The following LRRC69 variants were observed in gnomAD, a reference collection of about 807,000 sequenced individuals.
LRRC69 encodes leucine rich repeat containing 69.
Under a neutral mutation model 37.8 loss-of-function variants are expected in LRRC69, and 42 were observed. The observed-to-expected ratio is 1.11, with a 90% CI of 0.87 to 1.44. The LOEUF is 1.44. Ranked by LOEUF, LRRC69 falls within the 40% of genes most tolerant of loss-of-function variation. LRRC69 has a pLI of 0.00. For missense variants in LRRC69, 357 were observed against 401.9 expected, an observed-to-expected ratio of 0.89 and a Z score of 0.96; for synonymous variants, 141 against 143.1, an observed-to-expected ratio of 0.99 and a Z score of 0.11.
chr8:91,103,291 A>G (rs1258919134), intron 1 of LRRC69, among the ~76,000 whole-genome samples: 2 of 150,850 alleles, frequency 1.3e-5, no homozygotes, highest in African/African-American at 2.4e-5. Context: ...TTCCTTTTCA[A>G]TTTCCTAGGG....
In LRRC69 at chr8:91,127,829, A is replaced by G. The variant is rs6984576; in HGVS notation, c.383+669A>G. ...AACAGATGTGTCACAGAGCAAGAGC[A>G]GCATCCAGGGTTTTAAAAGAGAATA... On this transcript the variant is annotated intron_variant, in intron 3 of 7. Transcript: ENST00000448384. Among the ~76,000 whole-genome samples, 191 of 152,106 alleles carry G rather than the reference A, an allele frequency of 1.3e-3. 2 individuals are homozygous for G. Among genetic ancestry groups the G allele is most frequent in the African/African-American group, 4.4e-3 (184 of 41,570 alleles).
chr8:91,156,346 T>C (rs112688564), intron 5 of LRRC69, among the ~76,000 whole-genome samples: 1 of 151,100 alleles, frequency 6.6e-6, no homozygotes, highest in Non-Finnish European at 1.5e-5. Context: ...GTTTTTCAGA[T>C]ACTTGTTGGC....
At chr8:91,157,664 G>T in intron 5 of LRRC69, 2 of 1,585,332 alleles carry the variant, frequency 1.3e-6, no homozygotes, top group Middle Eastern at 1.7e-4. Context: ...AATGTTGAAT[G>T]CCTTACAGCT....
chr8:91,187,046 G>A (rs1809419315), intron 5 of LRRC69, among the ~76,000 whole-genome samples: 1 of 152,178 alleles, frequency 6.6e-6, no homozygotes, highest in Admixed American at 6.5e-5. Flanking sequence ...GAAGGCAGTT[G>A]ACACAGACAT....
intron 7 of LRRC69, among the ~76,000 whole-genome samples, chr8:91,202,952 G>A (rs961469406): frequency 6.6e-6 from 1 of 152,186 alleles, no homozygotes; most frequent in Non-Finnish European, 1.5e-5. Context: ...GCATCTTGGA[G>A]AAAGAAGTGA....
At chr8:91,102,802 C>G (rs1403783856) in exon 1 of LRRC69, 1 of 1,551,632 alleles carries the variant, frequency 6.4e-7, no homozygotes, top group African/African-American at 1.4e-5. Flanking sequence ...TTCAGAATAA[C>G]CTAATCCCCA....
At chr8:91,116,835 T>G (rs927143030) in intron 1 of LRRC69, among the ~76,000 whole-genome samples, 17 of 152,058 alleles carry the variant, frequency 1.1e-4, no homozygotes, top group Non-Finnish European at 7.3e-5. Context: ...GTATTGTCAT[T>G]AATAATCTGT....
At chr8:91,204,620 A>G (rs1490533691) in intron 7 of LRRC69, among the ~76,000 whole-genome samples, 1 of 152,260 alleles carries the variant, frequency 6.6e-6, no homozygotes, top group Non-Finnish European at 1.5e-5. Flanking sequence ...AAGGATCTCC[A>G]GAGCCTGGAT....
intron 5 of LRRC69, among the ~76,000 whole-genome samples, chr8:91,151,916 CAT>C (rs913408617): frequency 5.3e-5 from 8 of 150,138 alleles, no homozygotes; most frequent in African/African-American, 2.0e-4. Context: ...CTTTTTTTTT[CAT>C]ATGTTTCTTG....
At chr8:91,161,245 T>C (rs1261434216) in intron 5 of LRRC69, among the ~76,000 whole-genome samples, 1 of 151,380 alleles carries the variant, frequency 6.6e-6, no homozygotes, top group Non-Finnish European at 1.5e-5. Flanking sequence ...GGTTATTCAT[T>C]TGTAGTTTTT....
intron 7 of LRRC69, among the ~76,000 whole-genome samples, chr8:91,212,899 G>A (rs999384597): frequency 6.6e-6 from 1 of 152,094 alleles, no homozygotes; most frequent in African/African-American, 2.4e-5. Context: ...GTATAAACAT[G>A]AGCTCATACA....
At chr8:91,147,229 CTATATTATATATAAACATATAATA>C (rs1220342030) in intron 5 of LRRC69, among the ~76,000 whole-genome samples, 2 of 143,218 alleles carry the variant, frequency 1.4e-5, no homozygotes, top group African/African-American at 5.2e-5. Flanking sequence ...ATGAATATAG[CTATATTATATATAAACATATAATA>C]TATATTATAT....
chr8:91,160,477 C>T (rs1272642157), intron 5 of LRRC69, among the ~76,000 whole-genome samples: 1 of 151,068 alleles, frequency 6.6e-6, no homozygotes, highest in Non-Finnish European at 1.5e-5. Flanking sequence ...GAATTGTAAT[C>T]TCCAATGTTG....
chr8:91,131,081 T>G lies in LRRC69; in HGVS notation c.384-2029T>G, dbSNP rs1030030380. Reference sequence around the variant, plus strand: ...ATATTCAGACCATAGCACTGTCATTTCTCCAATACCATATGATCTTGATTA... The same window carrying G: ...ATATTCAGACCATAGCACTGTCATTGCTCCAATACCATATGATCTTGATTA... On this transcript the variant is annotated intron_variant, in intron 3 of 7. Coordinates refer to ENST00000448384, the Ensembl canonical transcript of LRRC69. Among the ~76,000 whole-genome samples the G allele has an allele frequency of 4.9e-4, 75 of 152,022 alleles. 1 individual carries two copies. Among genetic ancestry groups the G allele is most frequent in the African/African-American group, 1.3e-3 (55 of 41,440 alleles).
chr8:91,131,092 A>G (rs1336353075), intron 3 of LRRC69, among the ~76,000 whole-genome samples: 1 of 152,038 alleles, frequency 6.6e-6, no homozygotes, highest in African/African-American at 2.4e-5. Flanking sequence ...CTCCAATACC[A>G]TATGATCTTG....
intron 1 of LRRC69, among the ~76,000 whole-genome samples, chr8:91,121,586 A>C (rs1813622962): frequency 6.6e-6 from 1 of 152,032 alleles, no homozygotes; most frequent in Admixed American, 6.6e-5. Flanking sequence ...CTTCTAAGAC[A>C]GGTTCTCCTG....
At chr8:91,131,356 G>A (rs1462642952) in intron 3 of LRRC69, among the ~76,000 whole-genome samples, 3 of 150,958 alleles carry the variant, frequency 2.0e-5, no homozygotes, top group Non-Finnish European at 1.5e-5. Flanking sequence ...TTACAGCCAT[G>A]AGCCACAGCA....
chr8:91,203,713 CA>C (rs1809750203), intron 7 of LRRC69, among the ~76,000 whole-genome samples: 1 of 151,814 alleles, frequency 6.6e-6, no homozygotes, highest in South Asian at 2.1e-4. Context: ...TGTATCTTAT[CA>C]CTAGCCACTC....
At chr8:91,106,848 A>G (rs1018428731) in intron 1 of LRRC69, among the ~76,000 whole-genome samples, 13 of 151,796 alleles carry the variant, frequency 8.6e-5, no homozygotes, top group Non-Finnish European at 1.6e-4. Context: ...GCTGGAGTGT[A>G]CTGGTGTGAT....
Sources: allele counts gnomAD v4.1 joint callset (sites outside exome capture counted in the v4.1 genomes callset), GRCh38; gene constraint gnomAD v4.1.1; transcripts MANE v1.5; gene names NCBI Gene and HGNC (gene_info 2026-07-23, HGNC 2026-07-21).